BRF1: variants seen among roughly 807,000 people sequenced by gnomAD.
The protein encoded by BRF1 is BRF1 general transcription factor IIIB subunit.
In BRF1, 59 loss-of-function variants were observed where a neutral mutation model predicts 81.7. That is an observed-to-expected ratio of 0.72 (90% CI 0.59 to 0.90). The LOEUF is 0.90. Among genes scored for constraint, BRF1 ranks in the 40% least tolerant of loss-of-function variants. BRF1 has a pLI of 0.00. For missense variants in BRF1, 1,050 were observed against 936.3 expected (o/e 1.12, Z -1.58); for synonymous variants, 491 against 395.6 (o/e 1.24, Z -2.86).
chr14:105,223,733 G>A (rs1018294177), intron 10 of BRF1, among the ~76,000 whole-genome samples: 2 of 152,188 alleles, frequency 1.3e-5, no homozygotes, highest in African/African-American at 4.8e-5. Flanking sequence ...ACAGGTGTGT[G>A]CAGACATCAA....
intron 2 of BRF1, among the ~76,000 whole-genome samples, chr14:105,275,632 C>T (rs114014497): frequency 2.0e-5 from 3 of 152,358 alleles, no homozygotes; most frequent in Admixed American, 6.5e-5. Flanking sequence ...GAGAGAGGTA[C>T]TCTCTGAGGC....
intron 1 of BRF1, among the ~76,000 whole-genome samples, chr14:105,311,823 T>A (rs1318536521): frequency 6.6e-6 from 1 of 152,166 alleles, no homozygotes; most frequent in African/African-American, 2.4e-5. Context: ...CTGCTGTACC[T>A]TTTTTGTGAC....
rs1889867638 is a variant in BRF1, at chr14:105,209,744, G to A, written c.*807C>T. The A allele has an allele frequency of 1.2e-5, 7 of 599,378 alleles. No individual in the cohort carries two copies. The South Asian group carries it at 1.4e-4, about 12-fold the overall frequency. The allele number at this position is 599,378 out of a possible 1,614,324, so 37.1% of individuals were successfully genotyped here. ...AGCGCCAGGACACTATGCAGGCTAT[G>A]CCCGCACTGCCTACAGAGCTATGCT... is the stretch of plus-strand genomic sequence containing the variant. On this transcript the variant is annotated 3_prime_UTR_variant, in exon 18 of 18. Transcript: ENST00000547530.
In BRF1 at chr14:105,210,621, C is replaced by A. The variant is rs746121419; in HGVS notation, c.1997-33G>T. ...AGAGCACAGTCATGAAGCCCAGGGT[C>A]TCTGTGGGACCCAGGAGCCCAGACC... is the stretch of plus-strand genomic sequence containing the variant. On this transcript the variant is annotated intron_variant, in intron 17 of 17. Coordinates refer to ENST00000547530, the MANE Select transcript of BRF1 (RefSeq NM_001519.4). The surrounding 1 kb of genome is among the most constrained non-coding windows in gnomAD (Gnocchi z 4.7). 1.9e-6 allele frequency: 3 copies of A among 1,609,068 alleles called. No homozygotes were observed. Among genetic ancestry groups the A allele is most frequent in the African/African-American group, 1.3e-5 (1 of 74,912 alleles).
intron 2 of BRF1, among the ~76,000 whole-genome samples, chr14:105,281,019 C>T (rs1384387003): frequency 1.4e-3 from 157 of 113,992 alleles, no homozygotes; most frequent in Middle Eastern, 0.015. Flanking sequence ...GCCTGCGTGA[C>T]CCTGAGCCCA....
intron 1 of BRF1, among the ~76,000 whole-genome samples, chr14:105,294,758 G>C (rs2057665177): frequency 6.6e-6 from 1 of 152,172 alleles, no homozygotes; most frequent in East Asian, 1.9e-4. Context: ...GGAAAAAGGA[G>C]GCCACTGTGG....
intron 2 of BRF1, among the ~76,000 whole-genome samples, chr14:105,281,430 C>T (rs2057097231): frequency 6.8e-6 from 1 of 146,808 alleles, no homozygotes; most frequent in Non-Finnish European, 1.5e-5. Context: ...GAGGTGGAGG[C>T]CGTGTGATCC....
chr14:105,314,691 C>T (rs1275204201), intron 1 of BRF1: 1 of 141,260 alleles, frequency 7.1e-6, no homozygotes, highest in African/African-American at 2.5e-5. Flanking sequence ...GCGCGCGGGG[C>T]GGCCGGGGGC....
At chr14:105,259,332 C>G (rs1468118432) in intron 3 of BRF1, among the ~76,000 whole-genome samples, 1 of 152,144 alleles carries the variant, frequency 6.6e-6, no homozygotes, top group South Asian at 2.1e-4. Context: ...ATTGTCCCAG[C>G]TACTCAGAAG....
In BRF1 at chr14:105,269,957, TAA is replaced by T. The variant is rs1221041117; in HGVS notation, c.439+2762_439+2763del. The stretch of plus-strand genomic sequence containing the variant: ...CTCGCTCAGGACCTTGGTCTGCTTC[TAA>T]GAGAGCAGGATCGGAGCAGGCCTCT... On this transcript the variant is annotated intron_variant, in intron 3 of 17. Coordinates refer to ENST00000547530, the MANE Select transcript of BRF1 (RefSeq NM_001519.4). The surrounding 1 kb of genome is among the most constrained non-coding windows in gnomAD (Gnocchi z 5.0). Among the ~76,000 whole-genome samples, 1 of 152,044 alleles carries T rather than the reference TAA, an allele frequency of 6.6e-6. No homozygotes were observed. Among genetic ancestry groups the T allele is most frequent in the East Asian group, 1.9e-4 (1 of 5,146 alleles).
At position 105,248,513 on chromosome 14, in the gene BRF1, G is replaced by C. The variant is rs1297483664; in HGVS notation, c.544+3994C>G. The C allele has an allele frequency of 6.1e-6, 6 of 980,260 alleles. No individual in the cohort carries two copies. The African/African-American group carries it at 1.1e-4, about 17-fold the overall frequency. 60.7% of individuals were successfully genotyped at this position (980,260 alleles called of 1,614,324 possible). On this transcript the variant is annotated intron_variant, in intron 5 of 17. Transcript: ENST00000547530. ...GGCGGGGCCGCGAGGCAGCGACGTC[G>C]CGCGGGGCGCGGCCCTGACGCAGCG... is the stretch of plus-strand genomic sequence containing the variant.
intron 5 of BRF1, chr14:105,248,555 C>G: frequency 2.1e-6 from 1 of 485,264 alleles, no homozygotes; most frequent in Non-Finnish European, 2.4e-6. Context: ...ACCGGCGCCG[C>G]GGCGGGTACG....
chr14:105,267,661 C>T (rs1181278209), intron 3 of BRF1, among the ~76,000 whole-genome samples: 5 of 152,140 alleles, frequency 3.3e-5, no homozygotes, highest in African/African-American at 1.2e-4. Context: ...CATTTGATTC[C>T]CTCATCAGCC....
Position 105,217,791 on chromosome 14 carries a change from A to G in BRF1, c.1525T>C (p.Ser509Pro). Residue 509 changes from serine to proline, a missense_variant, in exon 15 of 18, where the codon TCT becomes CCT. This residue lies in a region of BRF1 where 1,043 missense variants were observed against 915.4 expected (regional missense o/e 1.14). Coordinates refer to ENST00000547530, the MANE Select transcript of BRF1 (RefSeq NM_001519.4). ...GIYKEHKPKKSCKRREPIQAS... is the reference protein window; with the variant it reads ...GIYKEHKPKKPCKRREPIQAS... ...TGAATTGGCTCCCGTCGCTTGCAAG[A>G]CTTCTTGGGCTTGAGGGAAACAAGC... is the stretch of plus-strand genomic sequence containing the variant. 1 of 1,611,332 alleles carries G rather than the reference A, an allele frequency of 6.2e-7. No homozygotes were observed.
chr14:105,219,172 C>G lies in BRF1; in HGVS notation c.1438G>C (p.Glu480Gln), dbSNP rs1335183362. Reference protein sequence around the residue: ...KAELWMRENAEYLREQREKEA... With the variant: ...KAELWMRENAQYLREQREKEA... ...TTACCCCTCTGTTCCCGCAGGTACT[C>G]GGCGTTCTCCCTCATCCACAGCTCG... The change falls in exon 13 of 18, where the codon GAG becomes CAG. Residue 480 changes from glutamate (E) to glutamine (Q), a missense_variant. Around this residue, in one of 2 missense-constraint regions of BRF1, gnomAD observed 1,043 missense variants for 915.4 expected, o/e 1.14. Coordinates refer to ENST00000547530, the MANE Select transcript of BRF1 (RefSeq NM_001519.4). 2 of 1,612,368 alleles carry G rather than the reference C, an allele frequency of 1.2e-6. No individual in the cohort carries two copies. The highest frequency in any genetic ancestry group is 1.7e-5 in the Admixed American group (1 of 60,002).
At chr14:105,280,952 T>C (rs2057061750) in intron 2 of BRF1, among the ~76,000 whole-genome samples, 1 of 146,728 alleles carries the variant, frequency 6.8e-6, no homozygotes. Flanking sequence ...TGCGTGACCC[T>C]GAGCCCAGGT....
At chr14:105,310,402 C>T (rs112926353) in intron 1 of BRF1, among the ~76,000 whole-genome samples, 8 of 151,730 alleles carry the variant, frequency 5.3e-5, no homozygotes, top group Admixed American at 2.6e-4. Flanking sequence ...TGGTGGCAGG[C>T]GCCTGTAGTC....
At chr14:105,249,214 C>T (rs1453495871) in intron 5 of BRF1, 1 of 1,588,354 alleles carries the variant, frequency 6.3e-7, no homozygotes. Context: ...TCGTGGGGCC[C>T]CCGGGGGCGA....
intron 6 of BRF1, among the ~76,000 whole-genome samples, chr14:105,229,626 A>G (rs587639679): frequency 1.8e-4 from 27 of 151,244 alleles, no homozygotes; most frequent in African/African-American, 6.1e-4. Flanking sequence ...CAACTAGAAC[A>G]GTCGCCCAGC....
Sources: allele counts gnomAD v4.1 joint callset (sites outside exome capture counted in the v4.1 genomes callset), GRCh38; gene constraint gnomAD v4.1.1; regional missense constraint gnomAD v4.1.1; non-coding constraint Gnocchi (gnomAD v3.1); transcripts MANE v1.5; gene names NCBI Gene and HGNC (gene_info 2026-07-23, HGNC 2026-07-21).